The following NTM variants were observed in gnomAD, a reference collection of about 807,000 sequenced individuals.
NTM encodes IgLON family member 2.
NTM carries 13 observed loss-of-function variants against 42.1 expected under a neutral mutation model. That is an observed-to-expected ratio of 0.31 (90% confidence interval 0.20 to 0.49). The LOEUF is 0.49. Among genes scored for constraint, NTM ranks in the 20% least tolerant of loss-of-function variants. The pLI is 0.99. For synonymous variants in NTM, 187 were observed against 179.2 expected, an observed-to-expected ratio of 1.04 and a Z score of -0.35; for missense variants, 373 against 452.8, an observed-to-expected ratio of 0.82 and a Z score of 1.60.
At chr11:131,383,836 T>C (rs1942993112) in intron 1 of NTM, among the ~76,000 whole-genome samples, 1 of 152,124 alleles carries the variant, frequency 6.6e-6, no homozygotes, top group South Asian at 2.1e-4. Flanking sequence ...ATATGGGAAA[T>C]GAATTGAAGT....
At chr11:132,178,422 C>A (rs2077119396) in intron 3 of NTM, among the ~76,000 whole-genome samples, 1 of 152,124 alleles carries the variant, frequency 6.6e-6, no homozygotes, top group African/African-American at 2.4e-5. Context: ...CCAGCCTAAC[C>A]TAAAAATTTA....
At chr11:132,285,570 G>T (rs1285917722) in intron 4 of NTM, among the ~76,000 whole-genome samples, 4 of 152,130 alleles carry the variant, frequency 2.6e-5, no homozygotes, top group Non-Finnish European at 5.9e-5. Flanking sequence ...CGGTGCACCT[G>T]GACTTGCTAT....
intron 1 of NTM, among the ~76,000 whole-genome samples, chr11:131,759,640 G>A (rs1161965007): frequency 6.6e-6 from 1 of 151,008 alleles, no homozygotes; most frequent in Non-Finnish European, 1.5e-5. Context: ...GCTCTTCCGT[G>A]GGAAGCTAGT....
At chr11:132,142,505 A>G (rs2069392575) in intron 2 of NTM, among the ~76,000 whole-genome samples, 1 of 152,036 alleles carries the variant, frequency 6.6e-6, no homozygotes, top group African/African-American at 2.4e-5. Flanking sequence ...TCTTTTTTTA[A>G]CCGAGGAGCG....
chr11:131,582,222 A>T (rs1276288654), intron 1 of NTM: 1 of 152,176 alleles, frequency 6.6e-6, no homozygotes, highest in African/African-American at 2.4e-5. Context: ...TACTAGTGAA[A>T]TCTGTTTTAA....
At chr11:132,236,782 TC>T (rs2089017134) in intron 4 of NTM, among the ~76,000 whole-genome samples, 1 of 152,148 alleles carries the variant, frequency 6.6e-6, no homozygotes, top group Admixed American at 6.5e-5. Flanking sequence ...CAGTCTAATC[TC>T]CCGGCATGGA....
At position 131,672,914 on chromosome 11, in the gene NTM, TGGGGGTGGGGTGTG is replaced by T. The variant is rs1156905943; in HGVS notation, c.83-238649_83-238636del. On this transcript the variant is annotated intron_variant, in intron 1 of 8. Transcript: ENST00000683400. ...AACAGAGAAGACCACGGTGCCGGGG[TGGGGGTGGGGTGTG>T]ACCGTGTTCCTTGCCTATTTCCCTT... is the stretch of plus-strand genomic sequence containing the variant. Among the ~76,000 whole-genome samples the T allele has an allele frequency of 1.9e-3, 35 of 18,418 alleles. 4 individuals carry two copies. Among genetic ancestry groups the T allele is most frequent in the East Asian group, 3.6e-3 (2 of 556 alleles). 12.1% of individuals were successfully genotyped at this position (18,418 alleles called of 152,430 possible).
At chr11:132,023,913 G>T (rs1213038139) in intron 2 of NTM, among the ~76,000 whole-genome samples, 1 of 151,882 alleles carries the variant, frequency 6.6e-6, no homozygotes, top group African/African-American at 2.4e-5. Context: ...CCACCTCCTG[G>T]GTTCAAGCAA....
intron 1 of NTM, among the ~76,000 whole-genome samples, chr11:131,693,265 T>C (rs970385665): frequency 6.6e-6 from 1 of 152,158 alleles, no homozygotes; most frequent in African/African-American, 2.4e-5. Flanking sequence ...TTCTTAGTTG[T>C]TCTGTCTCTG....
chr11:131,436,466 T>C (rs1949144582), intron 1 of NTM, among the ~76,000 whole-genome samples: 1 of 152,156 alleles, frequency 6.6e-6, no homozygotes, highest in Non-Finnish European at 1.5e-5. Context: ...TCAGAGCCTG[T>C]TATTGGTCTA....
chr11:131,799,603 T>C (rs772584359), intron 1 of NTM, among the ~76,000 whole-genome samples: 5 of 151,998 alleles, frequency 3.3e-5, no homozygotes, highest in Admixed American at 1.3e-4. Flanking sequence ...CCCGGCTCAG[T>C]GGAGAGTTTG....
At chr11:132,029,625 A>G (rs1420876781) in intron 2 of NTM, among the ~76,000 whole-genome samples, 1 of 152,132 alleles carries the variant, frequency 6.6e-6, no homozygotes, top group Non-Finnish European at 1.5e-5. Flanking sequence ...TTATCACTTA[A>G]CAAATTCAGT....
At chr11:131,746,405 A>G (rs1319610120) in intron 1 of NTM, among the ~76,000 whole-genome samples, 2 of 152,114 alleles carry the variant, frequency 1.3e-5, no homozygotes, top group African/African-American at 4.8e-5. Context: ...TAGGAAAATG[A>G]TGTAGCCAAA....
intron 4 of NTM, among the ~76,000 whole-genome samples, chr11:132,275,296 T>G (rs184658594): frequency 6.6e-6 from 1 of 152,054 alleles, no homozygotes; most frequent in Non-Finnish European, 1.5e-5. Context: ...GAAGGGACTA[T>G]CTTTTTAACA....
chr11:131,608,307 T>C (rs1053479360), intron 1 of NTM, among the ~76,000 whole-genome samples: 6 of 152,144 alleles, frequency 3.9e-5, no homozygotes, highest in African/African-American at 1.4e-4. Flanking sequence ...CGTTGGACAT[T>C]TGGGTTACAT....
At chr11:132,311,348 T>C (rs957250652) in intron 6 of NTM, among the ~76,000 whole-genome samples, 4 of 152,142 alleles carry the variant, frequency 2.6e-5, no homozygotes, top group African/African-American at 9.7e-5. Flanking sequence ...TTTTGTTTTT[T>C]TAAAAAAAAA....
rs150092785 is a variant in NTM at position 131,846,534 on chromosome 11, A to T, written c.83-65030A>T. Among the ~76,000 whole-genome samples the T allele has an allele frequency of 1.5e-3, 228 of 152,308 alleles. 5 individuals carry two copies. Among genetic ancestry groups the T allele is most frequent in the Admixed American group, 0.013 (197 of 15,294 alleles). Reference sequence around the variant, plus strand: ...TTTTAACTCTATCATGAACAGTTTAACAGTTAATATTTTATTAATATCTCT... The same window carrying T: ...TTTTAACTCTATCATGAACAGTTTATCAGTTAATATTTTATTAATATCTCT... On this transcript the variant is annotated intron_variant, in intron 1 of 8. Transcript: ENST00000683400.
chr11:132,068,903 G>C (rs1387500405), intron 2 of NTM, among the ~76,000 whole-genome samples: 1 of 152,238 alleles, frequency 6.6e-6, no homozygotes, highest in Non-Finnish European at 1.5e-5. Context: ...GACCCACCCA[G>C]ATTATCCAGG....
intron 1 of NTM, among the ~76,000 whole-genome samples, chr11:131,577,907 G>T (rs1334888148): frequency 6.6e-6 from 1 of 152,200 alleles, no homozygotes; most frequent in East Asian, 1.9e-4. Flanking sequence ...ATTTTACAAA[G>T]CCTTTTGTAA....
Sources: gnomAD v4.1 joint callset for allele counts (sites outside exome capture counted in the v4.1 genomes callset) on GRCh38, gnomAD v4.1.1 for gene constraint, MANE v1.5 for transcripts, NCBI Gene and HGNC (gene_info 2026-07-23, HGNC 2026-07-21) for gene names.